ZMYND8: variants seen among roughly 807,000 people sequenced by gnomAD.
ZMYND8 encodes zinc finger MYND-type containing 8.
Under a neutral mutation model 140.8 loss-of-function variants are expected in ZMYND8, and 37 were observed. That is an observed-to-expected ratio of 0.26 (90% confidence interval 0.20 to 0.35). ZMYND8 has a LOEUF of 0.35. Ranked by LOEUF, ZMYND8 falls within the 10% of genes least tolerant of loss-of-function variation. The pLI is 1.00. For synonymous variants in ZMYND8, 592 were observed against 597.1 expected, an observed-to-expected ratio of 0.99 and a Z score of 0.12; for missense variants, 1,068 against 1,570.0, an observed-to-expected ratio of 0.68 and a Z score of 5.40.
chr20:47,330,698 G>A (rs1225594155), intron 2 of ZMYND8, among the ~76,000 whole-genome samples: 4 of 152,186 alleles, frequency 2.6e-5, no homozygotes, highest in African/African-American at 9.7e-5. Context: ...GCAGAGAACA[G>A]ACACTTGAGC....
chr20:47,290,411 C>T lies in ZMYND8; in HGVS notation c.661-137G>A, dbSNP rs898411717. On this transcript the variant is annotated intron_variant, in intron 6 of 22. Transcript: ENST00000471951. The stretch of plus-strand genomic sequence containing the variant: ...GTTCTTCTATTCATTTCCCAAGATG[C>T]TTCTTTTTAACCTACAACACCCCGA... The T allele has an allele frequency of 1.6e-5, 11 of 667,758 alleles. No individual in the cohort carries two copies. In the African/African-American group the frequency reaches 2.0e-4, roughly 12 times the overall value. The allele number at this position is 667,758 out of a possible 1,614,324, so 41.4% of individuals were successfully genotyped here.
chr20:47,323,185 G>A (rs184341061), intron 2 of ZMYND8, among the ~76,000 whole-genome samples: 24 of 152,264 alleles, frequency 1.6e-4, no homozygotes, highest in Admixed American at 3.9e-4. Flanking sequence ...GGGGGGAAGA[G>A]GGGGCCAGGG....
At chr20:47,269,989 A>G (rs147352133) in intron 11 of ZMYND8, among the ~76,000 whole-genome samples, 2 of 152,364 alleles carry the variant, frequency 1.3e-5, no homozygotes, top group African/African-American at 4.8e-5. Flanking sequence ...CATGCCTATT[A>G]TCCCAGCATT....
intron 2 of ZMYND8, among the ~76,000 whole-genome samples, chr20:47,314,236 C>T (rs1569176509): frequency 6.6e-6 from 1 of 151,834 alleles, no homozygotes; most frequent in Non-Finnish European, 1.5e-5. Context: ...CGGTGGCTCA[C>T]GCCTGTAATC....
At chr20:47,229,010 T>A (rs1054690421) in intron 17 of ZMYND8, among the ~76,000 whole-genome samples, 1 of 151,846 alleles carries the variant, frequency 6.6e-6, no homozygotes, top group African/African-American at 2.4e-5. Flanking sequence ...TTTTTTTTCC[T>A]TAAGAGACAG....
At chr20:47,222,498 T>C (rs994314592) in intron 19 of ZMYND8, among the ~76,000 whole-genome samples, 2 of 151,832 alleles carry the variant, frequency 1.3e-5, no homozygotes, top group African/African-American at 4.8e-5. Context: ...ATCGCGCCGT[T>C]GCACTCCAGC....
chr20:47,280,778 A>C (rs963769593), intron 10 of ZMYND8, among the ~76,000 whole-genome samples: 4 of 152,110 alleles, frequency 2.6e-5, no homozygotes, highest in Admixed American at 6.6e-5. Context: ...TTCAAATAAA[A>C]AACAAACTCC....
At chr20:47,351,624 C>G (rs956329833) in intron 1 of ZMYND8, 30 of 969,642 alleles carry the variant, frequency 3.1e-5, no homozygotes, top group Non-Finnish European at 2.7e-5. Context: ...AATTAAAAAC[C>G]ATGCTTCCCT....
rs999901961 is a variant in ZMYND8, at chr20:47,234,737, T to TA, written c.2856+1588dup. On this transcript the variant is annotated intron_variant, in intron 16 of 22. Transcript: ENST00000471951. ...CATGACCAATGAAAACTCATTTGTG[T>TA]AAAAAAAAAAATTCATATATATTTC... Among the ~76,000 whole-genome samples the TA allele has an allele frequency of 7.0e-4, 104 of 149,030 alleles. 1 individual carries two copies. Among genetic ancestry groups the TA allele is most frequent in the Middle Eastern group, 3.5e-3 (1 of 288 alleles).
intron 2 of ZMYND8, among the ~76,000 whole-genome samples, chr20:47,330,517 A>G (rs2080852504): frequency 1.3e-5 from 2 of 152,036 alleles, no homozygotes; most frequent in African/African-American, 4.8e-5. Flanking sequence ...TGTGTTCTTA[A>G]GGAGCCACTG....
chr20:47,228,036 T>C (rs2037941446), intron 17 of ZMYND8, among the ~76,000 whole-genome samples: 1 of 149,888 alleles, frequency 6.7e-6, no homozygotes, highest in South Asian at 2.1e-4. Flanking sequence ...GAGGTTGCAG[T>C]GAGCCAAGAT....
At chr20:47,267,122 G>A (rs1298844271) in intron 11 of ZMYND8, among the ~76,000 whole-genome samples, 2 of 152,108 alleles carry the variant, frequency 1.3e-5, no homozygotes, top group Admixed American at 6.6e-5. Context: ...ATGATGCTAA[G>A]TTAAAGAAGC....
intron 1 of ZMYND8, chr20:47,354,065 A>G (rs2083013586): frequency 6.6e-6 from 1 of 152,140 alleles, no homozygotes; most frequent in Non-Finnish European, 1.5e-5. Context: ...CAATGCAGAC[A>G]TTTATTTTTT....
At chr20:47,215,175 C>T (rs1176752026) in intron 21 of ZMYND8, among the ~76,000 whole-genome samples, 1 of 152,154 alleles carries the variant, frequency 6.6e-6, no homozygotes, top group African/African-American at 2.4e-5. Context: ...GAGTTCGAGA[C>T]CAACCTGGGC....
chr20:47,356,333 G>GAAA, intron 1 of ZMYND8: 9 of 1,046,416 alleles, frequency 8.6e-6, no homozygotes, highest in Non-Finnish European at 8.7e-6. Context: ...AAGAGGGAAA[G>GAAA]AAAAAAAAAA....
intron 12 of ZMYND8, among the ~76,000 whole-genome samples, chr20:47,255,880 C>T (rs2074668989): frequency 6.8e-6 from 1 of 148,054 alleles, no homozygotes; most frequent in Non-Finnish European, 1.5e-5. Flanking sequence ...TCGAGACCAG[C>T]CTGGCCAACA....
Position 47,246,495 on chromosome 20 carries a change from A to G in ZMYND8, c.1797T>C (p.Asp599=). ...AQLGINEISE[D]VYTAVEHSDS... The stretch of plus-strand genomic sequence containing the variant: ...CGCTGTGCTCTACGGCCGTATAGAC[A>G]TCTTCCGAGATTTCATTTATGCCTA... The change falls in exon 14 of 23, where the codon GAT becomes GAC. Residue 599 remains aspartate (D), a synonymous_variant. Coordinates refer to ENST00000471951, the MANE Select transcript of ZMYND8 (RefSeq NM_001281775.3). 1 of 1,580,418 alleles carries G rather than the reference A, an allele frequency of 6.3e-7. No homozygotes were observed. The highest frequency in any genetic ancestry group is 8.6e-7 in the Non-Finnish European group (1 of 1,165,938).
Position 47,224,504 on chromosome 20 carries a change from G to A in ZMYND8, c.3069C>T (p.Leu1023=). Residue 1023 remains leucine (L), a synonymous_variant, in exon 19 of 23, where the codon CTC becomes CTT. Coordinates refer to ENST00000471951, the MANE Select transcript of ZMYND8 (RefSeq NM_001281775.3). The stretch of plus-strand genomic sequence containing the variant: ...CCAGCTGCTTCTTCACCTCGGCGAT[G>A]AGCCGGTCCCGCTCCTGCTCCAGGC... ...RQSLEQERDR[L]IAEVKKQLEL... 3 of 1,614,130 alleles carry A rather than the reference G, an allele frequency of 1.9e-6. No homozygotes were observed. The highest frequency in any genetic ancestry group is 1.7e-6 in the Non-Finnish European group (2 of 1,180,048).
At chr20:47,305,391 C>A (rs1420887569) in intron 3 of ZMYND8, among the ~76,000 whole-genome samples, 1 of 151,962 alleles carries the variant, frequency 6.6e-6, no homozygotes, top group Non-Finnish European at 1.5e-5. Context: ...CAGGTGCGCA[C>A]CACCATGCCT....
Sources: gnomAD v4.1 joint callset for allele counts (sites outside exome capture counted in the v4.1 genomes callset) on GRCh38, gnomAD v4.1.1 for gene constraint, MANE v1.5 for transcripts, NCBI Gene and HGNC (gene_info 2026-07-23, HGNC 2026-07-21) for gene names.